The following BPHL variants were observed in gnomAD, a reference collection of about 807,000 sequenced individuals.
BPHL encodes the protein biphenyl hydrolase like.
BPHL carries 27 observed loss-of-function variants against 31.2 expected under a neutral mutation model. The observed-to-expected ratio is 0.87, with a 90% CI of 0.64 to 1.19. The LOEUF (loss-of-function observed/expected upper bound fraction) is 1.19, where lower values mean the gene tolerates loss of function less well. Among genes scored for constraint, BPHL ranks in the 50% most tolerant of loss-of-function variants. The probability of loss-of-function intolerance (pLI) is 0.00; values close to 1 mark genes in which losing one functional copy is unlikely to be tolerated. For missense variants in BPHL, 356 were observed against 375.7 expected (o/e 0.95, Z 0.43); for synonymous variants, 150 against 146.8 (o/e 1.02, Z -0.16).
At chr6:3,137,612 T>G (rs1390619402) in intron 5 of BPHL, 119 bp downstream of exon 5, 10 of 1,419,874 alleles carry the variant, frequency 7.0e-6, no homozygotes, top group African/African-American at 2.9e-5. Context: ...CACGCTCATG[T>G]GTGAGCAGAA....
chr6:3,142,125 G>GTT (rs145975741), intron 6 of BPHL, among the ~76,000 whole-genome samples: 1 of 147,156 alleles, frequency 6.8e-6, no homozygotes, highest in Non-Finnish European at 1.5e-5. Flanking sequence ...TTTTTTGTTT[G>GTT]TTTTTTTTTT....
At chr6:3,136,636 A>G (rs2113762288) in intron 4 of BPHL, among the ~76,000 whole-genome samples, 1 of 152,302 alleles carries the variant, frequency 6.6e-6, no homozygotes, top group South Asian at 2.1e-4. Flanking sequence ...TTAGTGTTAT[A>G]TTTCTTCCAT....
intron 6 of BPHL, among the ~76,000 whole-genome samples, chr6:3,150,567 G>A (rs1360083135): frequency 6.6e-6 from 1 of 152,230 alleles, no homozygotes; most frequent in Non-Finnish European, 1.5e-5. Flanking sequence ...ACTGAGCCAT[G>A]TGCTTAGCAG....
chr6:3,144,847 T>C (rs1762282160), intron 6 of BPHL, among the ~76,000 whole-genome samples: 1 of 152,204 alleles, frequency 6.6e-6, no homozygotes, highest in South Asian at 2.1e-4. Flanking sequence ...CAGAGGGCCA[T>C]GTCTCTGTGG....
In BPHL at chr6:3,140,130, G is replaced by T; in HGVS notation, c.665-256G>T. ...ATTTGATTTTCCTACTATTTTATGC[G>T]AATTTAAATCAGGCTGCTTATTTAC... is the stretch of plus-strand genomic sequence containing the variant. On this transcript the variant is annotated intron_variant, in intron 5 of 6. Coordinates refer to ENST00000380379, the MANE Select transcript of BPHL (RefSeq NM_004332.4). This position sits in a 1 kb window ranked among gnomAD's most constrained non-coding sequence, Gnocchi z 5.2. 2.0e-6 allele frequency: 1 copy of T among 494,152 alleles called. No homozygotes were observed. The highest frequency in any genetic ancestry group is 3.6e-5 in the East Asian group (1 of 27,808). 30.6% of individuals were successfully genotyped at this position (494,152 alleles called of 1,614,324 possible). A position where few individuals can be genotyped will look rare whatever the true frequency, so the allele number is the denominator to read the frequency against.
rs1278633490 is a variant in BPHL, at chr6:3,118,722, A to C, written c.-19A>C. Reference sequence around the variant, plus strand: ...GTCTTAGCGCATGCGCACTCCCGGCAGCTACGCGACCTGTGACCATGGTGG... The same window carrying C: ...GTCTTAGCGCATGCGCACTCCCGGCCGCTACGCGACCTGTGACCATGGTGG... On this transcript the variant is annotated 5_prime_UTR_variant, in exon 1 of 7. Transcript: ENST00000380379. The C allele has an allele frequency of 1.2e-5, 15 of 1,256,626 alleles. No individual in the cohort carries two copies. In the East Asian group the frequency reaches 4.7e-4, roughly 39 times the overall value. 77.8% of individuals were successfully genotyped at this position (1,256,626 alleles called of 1,614,324 possible).
chr6:3,147,615 CA>C (rs971675910), intron 6 of BPHL, among the ~76,000 whole-genome samples: 3 of 147,544 alleles, frequency 2.0e-5, no homozygotes, highest in Non-Finnish European at 4.5e-5. Flanking sequence ...TTGGGTTCTC[CA>C]AAAAAAAAGA....
chr6:3,149,449 T>C lies in BPHL; in HGVS notation c.789-3039T>C, dbSNP rs1160969978. The stretch of plus-strand genomic sequence containing the variant: ...GTAGCCTCCGGGGCAGTTTTGCTTC[T>C]AATGCTTGTGTCTAATGCTTGAGAC... On this transcript the variant is annotated intron_variant, in intron 6 of 6. Transcript: ENST00000380379. This position sits in a 1 kb window ranked among gnomAD's most constrained non-coding sequence, Gnocchi z 4.6. 6.6e-6 allele frequency among the ~76,000 whole-genome samples: 1 copy of C among 152,134 alleles called. No homozygotes were observed. Among genetic ancestry groups the C allele is most frequent in the African/African-American group, 2.4e-5 (1 of 41,434 alleles).
chr6:3,153,383 T>C lies in BPHL; in HGVS notation c.*808T>C, dbSNP rs150478283. 2.0e-5 allele frequency: 4 copies of C among 197,628 alleles called. No individual in the cohort carries two copies. The East Asian group carries it at 3.8e-4, about 19-fold the overall frequency. 12.2% of individuals were successfully genotyped at this position (197,628 alleles called of 1,614,324 possible). ...AGAGGATGTCCAGAACAGCAGCAGA[T>C]AGGGGCAGGTTTGCTTTACCCCATA... On this transcript the variant is annotated 3_prime_UTR_variant, in exon 7 of 7. Transcript: ENST00000380379.
intron 1 of BPHL, 96 bp from the exon 2 acceptor site, chr6:3,123,561 A>C: frequency 9.8e-7 from 1 of 1,019,218 alleles, no homozygotes; most frequent in Non-Finnish European, 1.5e-6. Context: ...TAGAACACTA[A>C]CACTTATTCC....
chr6:3,123,044 G>A (rs1464492086), intron 1 of BPHL, among the ~76,000 whole-genome samples: 1 of 152,232 alleles, frequency 6.6e-6, no homozygotes, highest in Non-Finnish European at 1.5e-5. Context: ...CAGCTCACCG[G>A]CGTGTGCCAT....
chr6:3,150,346 T>TC lies in BPHL; in HGVS notation c.789-2141dup, dbSNP rs142604365. On this transcript the variant is annotated intron_variant, in intron 6 of 6. Coordinates refer to ENST00000380379, the MANE Select transcript of BPHL (RefSeq NM_004332.4). Reference sequence around the variant, plus strand: ...TCCAGGCGGGGCAGGAAAGGTAGCATCGTGAGGCCAGCATCTCACCTATGG... The same window carrying TC: ...TCCAGGCGGGGCAGGAAAGGTAGCATCCGTGAGGCCAGCATCTCACCTATGG... Among the ~76,000 whole-genome samples, 250 of 152,270 alleles carry TC rather than the reference T, an allele frequency of 1.6e-3. 2 individuals carry two copies. Among genetic ancestry groups the TC allele is most frequent in the African/African-American group, 5.8e-3 (242 of 41,556 alleles).
rs112112920 is a variant in BPHL at position 3,146,796 on chromosome 6, G to A, written c.789-5692G>A. Among the ~76,000 whole-genome samples, 11 of 135,932 alleles carry A rather than the reference G, an allele frequency of 8.1e-5. No homozygotes were observed. In the East Asian group the frequency reaches 2.0e-3, roughly 25 times the overall value. 89.2% of individuals were successfully genotyped at this position (135,932 alleles called of 152,430 possible). A position where few individuals can be genotyped will look rare whatever the true frequency, so the allele number is the denominator to read the frequency against. On this transcript the variant is annotated intron_variant, in intron 6 of 6. Coordinates refer to ENST00000380379, the MANE Select transcript of BPHL (RefSeq NM_004332.4). ...TTTGGGTCGAGTGCTGGTTTGGGTC[G>A]GAGTGCTGGTTCGGGTTGGAGTGCT...
intron 6 of BPHL, among the ~76,000 whole-genome samples, chr6:3,147,289 C>T (rs1409614071): frequency 6.6e-6 from 1 of 152,018 alleles, no homozygotes; most frequent in Admixed American, 6.5e-5. Flanking sequence ...AAAAAATACT[C>T]AACAGACAGT....
chr6:3,149,768 T>C lies in BPHL; in HGVS notation c.789-2720T>C, dbSNP rs1762471015. On this transcript the variant is annotated intron_variant, in intron 6 of 6. Transcript: ENST00000380379. This position sits in a 1 kb window ranked among gnomAD's most constrained non-coding sequence, Gnocchi z 4.6. The stretch of plus-strand genomic sequence containing the variant: ...CCTCAGCCTCCCGAGTAGCTGGGAT[T>C]ATAGGCGCGCATCACCACGCCGGCT... 6.6e-6 allele frequency among the ~76,000 whole-genome samples: 1 copy of C among 152,114 alleles called. No homozygotes were observed. Among genetic ancestry groups the C allele is most frequent in the African/African-American group, 2.4e-5 (1 of 41,402 alleles).
chr6:3,127,257 AT>A lies in BPHL; in HGVS notation c.231del (p.Phe77LeufsTer48). ...CTGTTTTTAGGAAGTGGAGAGACTG[AT>A]TTTGGACCTCAGCTCAAGAACCTCA... ...LPGMLGSGET[D>X]FGPQLKNLNK... On this transcript the variant is annotated frameshift_variant, in exon 3 of 7. Coordinates refer to ENST00000380379, the MANE Select transcript of BPHL (RefSeq NM_004332.4). LOFTEE classifies it high-confidence loss of function. 6.4e-7 allele frequency: 1 copy of A among 1,558,074 alleles called. No individual in the cohort carries two copies. Among genetic ancestry groups the A allele is most frequent in the East Asian group, 2.3e-5 (1 of 43,538 alleles).
chr6:3,142,175 A>G (rs1328010572), intron 6 of BPHL, among the ~76,000 whole-genome samples: 1 of 151,590 alleles, frequency 6.6e-6, no homozygotes, highest in African/African-American at 2.4e-5. Flanking sequence ...CTGAAGTGCA[A>G]TGGCGCGATC....
rs369451622 is a variant in BPHL, at chr6:3,149,789, C to T, written c.789-2699C>T. ...GGATTATAGGCGCGCATCACCACGC[C>T]GGCTAATTTTTGTGTTTTTGGTAGA... On this transcript the variant is annotated intron_variant, in intron 6 of 6. Transcript: ENST00000380379. The surrounding 1 kb of genome is among the most constrained non-coding windows in gnomAD (Gnocchi z 4.6). Among the ~76,000 whole-genome samples the T allele has an allele frequency of 4.2e-4, 64 of 152,202 alleles. No individual in the cohort carries two copies. Among genetic ancestry groups the T allele is most frequent in the African/African-American group, 1.5e-3 (64 of 41,534 alleles).
chr6:3,129,196 A>G lies in BPHL; in HGVS notation c.530A>G (p.Glu177Gly), dbSNP rs1026863406. ...YVTDEDSMIY[E>G]GIRDVSKWSE... The stretch of plus-strand genomic sequence containing the variant: ...ACTGACGAAGACAGCATGATATATG[A>G]GGGTAGGTTCTGCGAAGGGGAGATG... Residue 177 changes from glutamate to glycine, a missense_variant and splice_region_variant, in exon 4 of 7, where the codon GAG becomes GGG. Physicochemically the swap from Glu to Gly is moderately conservative, Grantham distance 98. Transcript: ENST00000380379. 1.4e-5 allele frequency: 22 copies of G among 1,573,540 alleles called. No individual in the cohort carries two copies. The Admixed American group carries it at 3.3e-4, about 24-fold the overall frequency.
Sources: allele counts gnomAD v4.1 joint callset (sites outside exome capture counted in the v4.1 genomes callset), GRCh38; gene constraint gnomAD v4.1.1; non-coding constraint Gnocchi (gnomAD v3.1); transcripts MANE v1.5; gene names NCBI Gene and HGNC (gene_info 2026-07-23, HGNC 2026-07-21).